The following TAB2 variants were observed in gnomAD, a reference collection of about 807,000 sequenced individuals.
TAB2 encodes TGF-beta activated kinase 1 (MAP3K7) binding protein 2.
A neutral mutation model predicts 65.0 loss-of-function variants in TAB2; 3 were observed. The observed-to-expected ratio is 0.05, with a 90% CI of 0.02 to 0.12. The LOEUF is 0.12. Ranked by LOEUF, TAB2 falls within the 10% of genes least tolerant of loss-of-function variation. The pLI is 1.00. For synonymous variants in TAB2, 298 were observed against 285.1 expected (o/e 1.05, Z -0.46); for missense variants, 623 against 840.3 (o/e 0.74, Z 3.20).
At chr6:149,376,962 A>C (rs1781419198) in intron 2 of TAB2, among the ~76,000 whole-genome samples, 1 of 149,408 alleles carries the variant, frequency 6.7e-6, no homozygotes, top group Admixed American at 6.7e-5. Flanking sequence ...TCTGGAGGCT[A>C]CCTTGAGCCT....
chr6:149,288,414 C>T (rs961503029), intron 1 of TAB2, among the ~76,000 whole-genome samples: 1 of 152,172 alleles, frequency 6.6e-6, no homozygotes, highest in Non-Finnish European at 1.5e-5. Context: ...TCTGTGGCCC[C>T]GTTGTCTGTC....
At chr6:149,259,334 T>TACACAC (rs61261942) in intron 1 of TAB2, among the ~76,000 whole-genome samples, 18,981 of 145,836 alleles carry the variant, frequency 0.13, 1,326 homozygotes, top group East Asian at 0.26. Context: ...ACGCTCCCTC[T>TACACAC]ACACACACAC....
At chr6:149,395,622 A>G (rs1782137996) in intron 3 of TAB2, among the ~76,000 whole-genome samples, 2 of 151,422 alleles carry the variant, frequency 1.3e-5, no homozygotes, top group African/African-American at 4.9e-5. Flanking sequence ...TTCTTTTCCA[A>G]TGTTTTATTT....
chr6:149,377,900 C>A, intron 2 of TAB2, 118 bp from the exon 3 acceptor site: 1 of 785,952 alleles, frequency 1.3e-6, no homozygotes, highest in Non-Finnish European at 2.0e-6. Flanking sequence ...ATTTAAATAT[C>A]CAAATATATG....
chr6:149,268,382 A>G (rs1446461751), intron 1 of TAB2, among the ~76,000 whole-genome samples: 3 of 152,226 alleles, frequency 2.0e-5, no homozygotes, highest in East Asian at 3.8e-4. Context: ...CTGAGTGGCC[A>G]TGAGCCCACC....
chr6:149,230,827 C>T (rs982112735), intron 1 of TAB2, among the ~76,000 whole-genome samples: 16 of 152,212 alleles, frequency 1.1e-4, no homozygotes, highest in African/African-American at 3.1e-4. Flanking sequence ...CACTGACATT[C>T]ACAGCAAAGG....
At chr6:149,363,661 T>C (rs1780933448) in intron 1 of TAB2, among the ~76,000 whole-genome samples, 1 of 152,186 alleles carries the variant, frequency 6.6e-6, no homozygotes, top group Non-Finnish European at 1.5e-5. Context: ...TAATGTTTTA[T>C]CCATAATATA....
At chr6:149,324,232 A>G (rs1041643393) in intron 1 of TAB2, among the ~76,000 whole-genome samples, 1 of 152,132 alleles carries the variant, frequency 6.6e-6, no homozygotes, top group East Asian at 1.9e-4. Flanking sequence ...CAGCAAGAGT[A>G]TAGGAATGGG....
At chr6:149,318,651 C>T (rs1304056614) in intron 1 of TAB2, 1 of 152,278 alleles carries the variant, frequency 6.6e-6, no homozygotes, top group Non-Finnish European at 1.5e-5. Flanking sequence ...ACCTCAAACC[C>T]TACGATTGTG....
rs567747927 is a variant in TAB2 at position 149,234,844 on chromosome 6, C to T, written c.-121+16068C>T. The stretch of plus-strand genomic sequence containing the variant: ...ATAAGTAGAAGATAAAAAGATGAGA[C>T]GACTAAGATTAGAGAGTGTGAAAAA... On this transcript the variant is annotated intron_variant, in intron 1 of 1. Transcript: ENST00000606202. Among the ~76,000 whole-genome samples, 19 of 130,438 alleles carry T rather than the reference C, an allele frequency of 1.5e-4. No homozygotes were observed. In the East Asian group the frequency reaches 2.9e-3, roughly 20 times the overall value. The allele number at this position is 130,438 out of a possible 152,430, so 85.6% of individuals were successfully genotyped here. A position where few individuals can be genotyped will look rare whatever the true frequency, so the allele number is the denominator to read the frequency against.
upstream of TAB2, among the ~76,000 whole-genome samples, chr6:149,314,876 T>TC (rs1338496151): frequency 1.3e-5 from 2 of 152,008 alleles, no homozygotes; most frequent in Admixed American, 1.3e-4. Flanking sequence ...TTTTTTTTTT[T>TC]TTTTTCCTGT....
chr6:149,318,343 G>A (rs954684037), intron 1 of TAB2, among the ~76,000 whole-genome samples: 27 of 152,080 alleles, frequency 1.8e-4, no homozygotes, highest in Non-Finnish European at 3.5e-4. Flanking sequence ...GGCGCAAGGG[G>A]CTCGGGAGGG....
chr6:149,284,236 A>T, intron 1 of TAB2, among the ~76,000 whole-genome samples: 1 of 152,086 alleles, frequency 6.6e-6, no homozygotes, highest in Non-Finnish European at 1.5e-5. Flanking sequence ...TTTGTCCCCC[A>T]CATACCCAGC....
chr6:149,235,773 T>TCATTAGACATG (rs1188586985), intron 1 of TAB2, among the ~76,000 whole-genome samples: 1 of 152,206 alleles, frequency 6.6e-6, no homozygotes, highest in Non-Finnish European at 1.5e-5. Flanking sequence ...AGCGTGAATT[T>TCATTAGACATG]CATTAGACAT....
intron 1 of TAB2, among the ~76,000 whole-genome samples, chr6:149,307,948 A>G (rs559980457): frequency 2.0e-5 from 3 of 152,284 alleles, no homozygotes; most frequent in Non-Finnish European, 2.9e-5. Context: ...AAACACCCAC[A>G]TTTTTAAAAT....
At chr6:149,369,759 C>A in intron 1 of TAB2, 150 bp from the exon 2 acceptor site, 1 of 598,368 alleles carries the variant, frequency 1.7e-6, no homozygotes, top group Non-Finnish European at 2.9e-6. Flanking sequence ...GATAGTATAA[C>A]TATATGGAAA....
chr6:149,301,474 C>A (rs1778971790), intron 1 of TAB2, among the ~76,000 whole-genome samples: 1 of 152,050 alleles, frequency 6.6e-6, no homozygotes, highest in Non-Finnish European at 1.5e-5. Flanking sequence ...AAAGTGAAGG[C>A]CAGCAGGAAG....
intron 1 of TAB2, among the ~76,000 whole-genome samples, chr6:149,222,189 C>A (rs1201286332): frequency 6.6e-6 from 1 of 152,190 alleles, no homozygotes; most frequent in Non-Finnish European, 1.5e-5. Context: ...TGACTTACAC[C>A]ATCGGCCTCT....
At chr6:149,405,470 T>C (rs948461437) in intron 6 of TAB2, among the ~76,000 whole-genome samples, 1 of 152,208 alleles carries the variant, frequency 6.6e-6, no homozygotes, top group Admixed American at 6.5e-5. Context: ...CTTTCAGTAT[T>C]ATTCACAATA....
Sources: allele counts gnomAD v4.1 joint callset (sites outside exome capture counted in the v4.1 genomes callset), GRCh38; gene constraint gnomAD v4.1.1; transcripts MANE v1.5; gene names NCBI Gene and HGNC (gene_info 2026-07-23, HGNC 2026-07-21).